The following MSRA variants were observed in gnomAD, a reference collection of about 807,000 sequenced individuals.
MSRA encodes the protein mitochondrial peptide methionine sulfoxide reductase.
Under a neutral mutation model 31.3 loss-of-function variants are expected in MSRA, and 54 were observed. The observed-to-expected ratio is 1.73, with a 90% CI of 1.39 to 2.17. The LOEUF (loss-of-function observed/expected upper bound fraction) is 2.17. Ranked by LOEUF, MSRA falls within the 30% of genes most tolerant of loss-of-function variation. MSRA has a pLI of 0.00. For missense variants in MSRA, 507 were observed against 300.9 expected (o/e 1.69, Z -5.07); for synonymous variants, 169 against 116.5 (o/e 1.45, Z -2.90).
chr8:10,423,073 G>A (rs1031512428), intron 5 of MSRA, among the ~76,000 whole-genome samples: 1 of 152,168 alleles, frequency 6.6e-6, no homozygotes, highest in East Asian at 1.9e-4. Context: ...TAAAGATTCA[G>A]TAGGTGATGT....
intron 3 of MSRA, among the ~76,000 whole-genome samples, chr8:10,283,089 G>A (rs918223255): frequency 6.6e-6 from 1 of 150,938 alleles, no homozygotes; most frequent in East Asian, 1.9e-4. Context: ...AGCCAGTTCA[G>A]ATGATAGGTG....
chr8:10,375,023 G>T (rs1358251557), intron 5 of MSRA, among the ~76,000 whole-genome samples: 2 of 152,158 alleles, frequency 1.3e-5, no homozygotes, highest in Non-Finnish European at 2.9e-5. Flanking sequence ...AGCTTCCTGA[G>T]GCATCACCAG....
At chr8:10,426,917 G>C (rs1022337708) in intron 5 of MSRA, among the ~76,000 whole-genome samples, 1 of 152,066 alleles carries the variant, frequency 6.6e-6, no homozygotes, top group East Asian at 1.9e-4. Flanking sequence ...CTCTGAGCTG[G>C]CTGGTCTAAC....
intron 4 of MSRA, among the ~76,000 whole-genome samples, chr8:10,305,704 A>C (rs961247454): frequency 1.3e-5 from 2 of 152,172 alleles, no homozygotes; most frequent in Non-Finnish European, 2.9e-5. Flanking sequence ...CAAGGCATGA[A>C]CCACTGTGCC....
chr8:10,340,853 A>T (rs1292639381), intron 5 of MSRA, among the ~76,000 whole-genome samples: 1 of 152,234 alleles, frequency 6.6e-6, no homozygotes, highest in Non-Finnish European at 1.5e-5. Flanking sequence ...TTCTCTGTTC[A>T]CTTGGTCCCT....
At chr8:10,236,945 A>G (rs1370188534) in intron 2 of MSRA, among the ~76,000 whole-genome samples, 1 of 152,212 alleles carries the variant, frequency 6.6e-6, no homozygotes, top group Admixed American at 6.5e-5. Flanking sequence ...TATTGTTTTC[A>G]TAGTAGTAAA....
At chr8:10,202,034 A>G (rs1175563949) in intron 1 of MSRA, among the ~76,000 whole-genome samples, 1 of 152,230 alleles carries the variant, frequency 6.6e-6, no homozygotes, top group Non-Finnish European at 1.5e-5. Context: ...TTGACACTCT[A>G]CTGGTAATCA....
intron 1 of MSRA, among the ~76,000 whole-genome samples, chr8:10,190,967 C>A (rs1239903728): frequency 6.6e-6 from 1 of 152,186 alleles, no homozygotes; most frequent in Non-Finnish European, 1.5e-5. Context: ...ACTGGTCGAT[C>A]AGCTTCAGCA....
At chr8:10,349,316 G>A (rs775877143) in intron 5 of MSRA, among the ~76,000 whole-genome samples, 1 of 152,208 alleles carries the variant, frequency 6.6e-6, no homozygotes, top group Non-Finnish European at 1.5e-5. Context: ...TTCCAATGCA[G>A]TGAACTGGGT....
intron 1 of MSRA, among the ~76,000 whole-genome samples, chr8:10,068,443 G>C (rs1202426357): frequency 6.6e-6 from 1 of 152,196 alleles, no homozygotes; most frequent in African/African-American, 2.4e-5. Flanking sequence ...GATTTGTATA[G>C]CTTTGCATTT....
chr8:10,162,114 A>T (rs1166398619), intron 1 of MSRA, among the ~76,000 whole-genome samples: 3 of 152,294 alleles, frequency 2.0e-5, no homozygotes, highest in Non-Finnish European at 4.4e-5. Context: ...ATTAGAGAGA[A>T]TAAACAAAGT....
chr8:10,093,846 T>C (rs1012008293), intron 1 of MSRA, among the ~76,000 whole-genome samples: 1 of 152,194 alleles, frequency 6.6e-6, no homozygotes, highest in African/African-American at 2.4e-5. Flanking sequence ...TGTCTTAATG[T>C]CTCCTTCATT....
chr8:10,228,677 A>T (rs1224983288), intron 2 of MSRA, among the ~76,000 whole-genome samples: 3 of 152,118 alleles, frequency 2.0e-5, no homozygotes, highest in Non-Finnish European at 4.4e-5. Flanking sequence ...GCCTTCCTTC[A>T]TGGGAATCCA....
At chr8:10,376,316 C>A (rs76409133) in intron 5 of MSRA, among the ~76,000 whole-genome samples, 1 of 152,192 alleles carries the variant, frequency 6.6e-6, no homozygotes, top group African/African-American at 2.4e-5. Flanking sequence ...ACAGCAAATG[C>A]CATTTGGCTC....
chr8:10,425,886 C>A (rs540300242), intron 5 of MSRA, among the ~76,000 whole-genome samples: 4 of 152,210 alleles, frequency 2.6e-5, no homozygotes, highest in African/African-American at 9.7e-5. Flanking sequence ...ATTTTACATC[C>A]CTCAGTTCTC....
chr8:10,189,282 C>T (rs894836970), intron 1 of MSRA, among the ~76,000 whole-genome samples: 3 of 152,160 alleles, frequency 2.0e-5, no homozygotes, highest in Non-Finnish European at 4.4e-5. Context: ...CTTACACAAT[C>T]ATGTTGTCTG....
At chr8:10,341,859 G>A (rs1803448203) in intron 5 of MSRA, among the ~76,000 whole-genome samples, 1 of 152,226 alleles carries the variant, frequency 6.6e-6, no homozygotes, top group African/African-American at 2.4e-5. Context: ...ACATTAAACA[G>A]TCAGCTGTTG....
intron 3 of MSRA, among the ~76,000 whole-genome samples, chr8:10,248,770 G>T (rs1797764337): frequency 6.6e-6 from 1 of 152,190 alleles, no homozygotes; most frequent in South Asian, 2.1e-4. Context: ...GCTCACTAAT[G>T]GGGCTGTTCA....
intron 1 of MSRA, among the ~76,000 whole-genome samples, chr8:10,173,553 G>A (rs1805783287): frequency 1.3e-5 from 2 of 152,120 alleles, no homozygotes; most frequent in South Asian, 2.1e-4. Flanking sequence ...CCCATAAATC[G>A]AGGCTACAAC....
Sources: gnomAD v4.1 joint callset for allele counts (sites outside exome capture counted in the v4.1 genomes callset) on GRCh38, gnomAD v4.1.1 for gene constraint, MANE v1.5 for transcripts, NCBI Gene and HGNC (gene_info 2026-07-23, HGNC 2026-07-21) for gene names.